TXNRD1: variants seen among roughly 807,000 people sequenced by gnomAD.
The protein encoded by TXNRD1 is thioredoxin reductase 1.
TXNRD1 carries 57 observed loss-of-function variants against 80.3 expected under a neutral mutation model. That is an observed-to-expected ratio of 0.71 (90% CI 0.57 to 0.89). TXNRD1 has a LOEUF of 0.89. TXNRD1 is among the 40% of genes least tolerant of loss of function. The pLI, the probability that TXNRD1 is intolerant of heterozygous loss-of-function variation, is 0.00. For missense variants in TXNRD1, 730 were observed against 803.0 expected (o/e 0.91, Z 1.10); for synonymous variants, 291 against 285.2 (o/e 1.02, Z -0.20).
chr12:104,268,633 C>T (rs2033587755), intron 3 of TXNRD1, among the ~76,000 whole-genome samples: 1 of 152,116 alleles, frequency 6.6e-6, no homozygotes, highest in South Asian at 2.1e-4. Context: ...ATTATCCTGC[C>T]TCAGCCTCCT....
intron 1 of TXNRD1, 23 bp downstream of exon 1, chr12:104,215,916 G>A: frequency 1.9e-6 from 3 of 1,538,508 alleles, no homozygotes; most frequent in East Asian, 2.5e-5. Context: ...GCGAAGGCCT[G>A]GTCCCCAGGT....
At chr12:104,269,464 G>A (rs1226274356) in intron 3 of TXNRD1, among the ~76,000 whole-genome samples, 2 of 142,618 alleles carry the variant, frequency 1.4e-5, no homozygotes, top group East Asian at 4.1e-4. Flanking sequence ...CAGTGATGTA[G>A]TCATGGCTCA....
chr12:104,287,075 G>A, intron 3 of TXNRD1: 1 of 1,426,362 alleles, frequency 7.0e-7, no homozygotes, highest in East Asian at 2.6e-5. Flanking sequence ...GAGTCCTGAA[G>A]GAGGGCCTGA....
At chr12:104,285,864 G>T (rs1565877577) in intron 3 of TXNRD1, 1 of 152,080 alleles carries the variant, frequency 6.6e-6, no homozygotes, top group Non-Finnish European at 1.5e-5. Context: ...CCACGTACTA[G>T]ATCCATTCTC....
chr12:104,310,863 C>T (rs1468970449), intron 4 of TXNRD1, among the ~76,000 whole-genome samples: 2 of 152,144 alleles, frequency 1.3e-5, no homozygotes, highest in Non-Finnish European at 2.9e-5. Context: ...TGTTATGCCC[C>T]AGCCAAACAG....
intron 4 of TXNRD1, among the ~76,000 whole-genome samples, chr12:104,290,720 CATATATATATATATATATATATATATAT>C (rs58669975): frequency 1.6e-4 from 9 of 55,866 alleles, no homozygotes; most frequent in South Asian, 7.5e-4. Flanking sequence ...AAGAAATATA[CATATATATATATATATATATATATATAT>C]ATATATATAT....
intron 5 of TXNRD1, among the ~76,000 whole-genome samples, chr12:104,312,097 T>C (rs1052247365): frequency 3.9e-5 from 6 of 152,070 alleles, no homozygotes; most frequent in African/African-American, 1.5e-4. Flanking sequence ...TATTTCTTAG[T>C]TAATATTTGT....
chr12:104,315,930 C>T lies in TXNRD1; in HGVS notation c.730+34C>T, dbSNP rs1323176245. On this transcript the variant is annotated intron_variant, in intron 7 of 16. Coordinates refer to ENST00000525566, the MANE Select transcript of TXNRD1 (RefSeq NM_001093771.3). ...GGGAAAAGCTACTCTTCTGTTTGTG[C>T]TTTTGGGGGTTTGAGCTGCAATTTT... 4.4e-6 allele frequency: 7 copies of T among 1,585,432 alleles called. No homozygotes were observed. The South Asian group carries it at 7.9e-5, about 18-fold the overall frequency.
At chr12:104,245,250 G>A (rs147111071) in intron 1 of TXNRD1, among the ~76,000 whole-genome samples, 1,546 of 151,718 alleles carry the variant, frequency 0.01, 33 homozygotes, top group African/African-American at 0.032. Context: ...GGTGGCTCAC[G>A]CCTGTAATCC....
At chr12:104,327,434 T>G in intron 12 of TXNRD1, 81 bp from the exon 13 acceptor site, 1 of 1,436,668 alleles carries the variant, frequency 7.0e-7, no homozygotes, top group Non-Finnish European at 9.4e-7. Flanking sequence ...AATTTTGGGC[T>G]TCCCTGAAAA....
intron 2 of TXNRD1, among the ~76,000 whole-genome samples, chr12:104,254,062 T>C (rs117523056): frequency 0.025 from 3,847 of 152,322 alleles, 70 homozygotes; most frequent in Middle Eastern, 0.051. Context: ...GTTAAGAGCC[T>C]GGACTCTAAA....
At chr12:104,334,377 T>G (rs1034082749) in intron 15 of TXNRD1, 45 bp downstream of exon 15, 6 of 1,236,832 alleles carry the variant, frequency 4.9e-6, no homozygotes, top group Non-Finnish European at 6.5e-6. Context: ...ATTTAGTTGT[T>G]GTTTTTTGTT....
intron 2 of TXNRD1, among the ~76,000 whole-genome samples, chr12:104,252,395 T>G (rs564787173): frequency 3.3e-5 from 5 of 151,856 alleles, no homozygotes; most frequent in Admixed American, 6.6e-5. Flanking sequence ...TCCTACTTGG[T>G]TCTTAATCTT....
chr12:104,229,765 G>T (rs2032572465), intron 1 of TXNRD1, among the ~76,000 whole-genome samples: 1 of 151,606 alleles, frequency 6.6e-6, no homozygotes, highest in Non-Finnish European at 1.5e-5. Flanking sequence ...GCTAATTTTT[G>T]TATTTTTAGT....
Position 104,348,430 on chromosome 12 carries a change from G to A in TXNRD1, c.*9G>A. The A allele has an allele frequency of 6.2e-7, 1 of 1,613,928 alleles. No individual in the cohort carries two copies. The highest frequency in any genetic ancestry group is 8.5e-7 in the Non-Finnish European group (1 of 1,179,832). On this transcript the variant is annotated 3_prime_UTR_variant, in exon 17 of 17. Transcript: ENST00000525566. ...CTGGCTGCTGAGGTTAAGCCCCAGT[G>A]TGGATGCTGTTGCCAAGACTGCAAA... is the stretch of plus-strand genomic sequence containing the variant.
At chr12:104,281,027 C>T (rs868518645) in intron 3 of TXNRD1, among the ~76,000 whole-genome samples, 3 of 152,194 alleles carry the variant, frequency 2.0e-5, no homozygotes, top group Non-Finnish European at 4.4e-5. Context: ...GAACTCCATA[C>T]TTACATATCC....
chr12:104,259,989 T>G (rs1324058945), intron 3 of TXNRD1, among the ~76,000 whole-genome samples: 1 of 152,184 alleles, frequency 6.6e-6, no homozygotes, highest in African/African-American at 2.4e-5. Flanking sequence ...AAGGGAGATA[T>G]TCTCTATATT....
At chr12:104,323,625 G>A (rs1290116493) in intron 10 of TXNRD1, among the ~76,000 whole-genome samples, 4 of 56,892 alleles carry the variant, frequency 7.0e-5, no homozygotes, top group Non-Finnish European at 1.0e-4. Flanking sequence ...GGCCGGGCAG[G>A]GGGGCTGACC....
At chr12:104,338,779 C>T (rs895644527) in intron 15 of TXNRD1, among the ~76,000 whole-genome samples, 4 of 151,906 alleles carry the variant, frequency 2.6e-5, no homozygotes, top group South Asian at 2.1e-4. Flanking sequence ...TGCAGTGGCA[C>T]GATCTCGGCT....
Sources: allele counts gnomAD v4.1 joint callset (sites outside exome capture counted in the v4.1 genomes callset), GRCh38; gene constraint gnomAD v4.1.1; transcripts MANE v1.5; gene names NCBI Gene and HGNC (gene_info 2026-07-23, HGNC 2026-07-21).